NCOR2: variants seen among roughly 807,000 people sequenced by gnomAD.
NCOR2 encodes CTG repeat protein 26.
NCOR2 carries 81 observed loss-of-function variants against 262.9 expected under a neutral mutation model. The ratio of observed to expected loss-of-function variants is 0.31; its 90% CI spans 0.26 to 0.37. NCOR2 has a LOEUF of 0.37. Ranked by LOEUF, NCOR2 falls within the 10% of genes least tolerant of loss-of-function variation. NCOR2 has a pLI of 1.00. For missense variants in NCOR2, 3,385 were observed against 3,621.4 expected (o/e 0.93, Z 1.68); for synonymous variants, 1,659 against 1,559.3 (o/e 1.06, Z -1.51).
chr12:124,412,790 C>T (rs547240408), intron 13 of NCOR2, among the ~76,000 whole-genome samples: 35 of 152,358 alleles, frequency 2.3e-4, no homozygotes, highest in African/African-American at 7.9e-4. Context: ...GGATCTCGGC[C>T]TTATTGTGGG....
chr12:124,356,579 A>T, intron 23 of NCOR2, 63 bp downstream of exon 25: 1 of 1,331,016 alleles, frequency 7.5e-7, no homozygotes, highest in Non-Finnish European at 9.7e-7. Context: ...GAGCCAGTGC[A>T]AACAGTGCAA....
At chr12:124,497,350 G>T (rs12318414), upstream of NCOR2, among the ~76,000 whole-genome samples, 1 of 152,142 alleles carries the variant, frequency 6.6e-6, no homozygotes, top group Non-Finnish European at 1.5e-5. The surrounding 1 kb of genome is among the most constrained non-coding windows in gnomAD (Gnocchi z 4.2). Context: ...AACACGTCCC[G>T]CTCCACCATC....
At chr12:124,522,204 T>G (rs997424657) in intron 1 of NCOR2, among the ~76,000 whole-genome samples, 2 of 152,204 alleles carry the variant, frequency 1.3e-5, no homozygotes, top group Non-Finnish European at 2.9e-5. Context: ...ACTGGAAATA[T>G]GGCAGTGAAC....
chr12:124,403,352 C>T (rs1045088113), intron 13 of NCOR2, among the ~76,000 whole-genome samples: 1 of 152,142 alleles, frequency 6.6e-6, no homozygotes, highest in Non-Finnish European at 1.5e-5. Flanking sequence ...AGCCAGCCTC[C>T]TTACTTGGGC....
intron 32 of NCOR2, 125 bp downstream of exon 34, chr12:124,344,472 T>C: frequency 1.1e-6 from 1 of 912,862 alleles, no homozygotes; most frequent in Non-Finnish European, 1.5e-6. Flanking sequence ...TGCAGGTGGT[T>C]TGGATGTGGT....
At chr12:124,527,397 T>G (rs1280790706) in intron 1 of NCOR2, among the ~76,000 whole-genome samples, 1 of 152,106 alleles carries the variant, frequency 6.6e-6, no homozygotes, top group African/African-American at 2.4e-5. Flanking sequence ...TACAAGAGCT[T>G]TTAGGTGATG....
At chr12:124,473,026 T>C (rs780620993) in exon 4 of NCOR2, 2 of 1,614,090 alleles carry the variant, frequency 1.2e-6, no homozygotes, top group African/African-American at 2.7e-5. Context: ...ATGTTCTGGA[T>C]CAGCTCCTCC....
chr12:124,486,544 G>A, exon 2 of NCOR2: 1 of 1,589,222 alleles, frequency 6.3e-7, no homozygotes, highest in Non-Finnish European at 8.6e-7. Context: ...CGGGAGTGGT[G>A]CTGGTACTCC....
intron 13 of NCOR2, among the ~76,000 whole-genome samples, chr12:124,415,645 A>G (rs1229157820): frequency 6.6e-6 from 1 of 152,220 alleles, no homozygotes; most frequent in Non-Finnish European, 1.5e-5. Context: ...AGAGACGCAG[A>G]GCAGACAAGC....
chr12:124,473,088 C>T, exon 4 of NCOR2: 1 of 1,613,928 alleles, frequency 6.2e-7, no homozygotes. Flanking sequence ...GTGCGGGGGG[C>T]TGGGGGGAGA....
chr12:124,495,030 G>T lies in NCOR2; in HGVS notation c.105+117C>A. On this transcript the variant is annotated intron_variant, in intron 1 of 46. Coordinates refer to ENST00000405201, the Ensembl canonical transcript of NCOR2. The surrounding 1 kb of genome is among the most constrained non-coding windows in gnomAD (Gnocchi z 4.4). ...TCTGTGGCGGCCTCCCCTCTGCCCT[G>T]GGAGGCTCAGAGCCACATGAGCCTG... is the stretch of plus-strand genomic sequence containing the variant. 1 of 1,328,926 alleles carries T rather than the reference G, an allele frequency of 7.5e-7. No homozygotes were observed. The allele number at this position is 1,328,926 out of a possible 1,614,324, so 82.3% of individuals were successfully genotyped here.
chr12:124,346,581 C>T, exon 31 of NCOR2: 9 of 1,568,150 alleles, frequency 5.7e-6, no homozygotes, highest in Non-Finnish European at 7.7e-6. Flanking sequence ...ATGGAGCCCT[C>T]CTTGAGCGGC....
chr12:124,558,166 C>T (rs936542258), intron 1 of NCOR2, among the ~76,000 whole-genome samples: 1 of 152,116 alleles, frequency 6.6e-6, no homozygotes, highest in African/African-American at 2.4e-5. Flanking sequence ...CAGAGTCCTT[C>T]GAGGCCCTCC....
At chr12:124,520,099 C>T (rs1015112838) in intron 1 of NCOR2, among the ~76,000 whole-genome samples, 1 of 152,170 alleles carries the variant, frequency 6.6e-6, no homozygotes, top group Admixed American at 6.5e-5. Flanking sequence ...GCTGCGGAGG[C>T]CCCTGGAAGC....
rs879550877 is a variant in NCOR2, at chr12:124,432,892, G to A, written c.883-2105C>T. Among the ~76,000 whole-genome samples, 9 of 152,174 alleles carry A rather than the reference G, an allele frequency of 5.9e-5. No individual in the cohort carries two copies. The highest frequency in any genetic ancestry group is 2.0e-4 in the Admixed American group (3 of 15,298). ...GGGGGGTGGGGGCGGGGAAGGGGAC[G>A]CAGGGCGAGCCACCCACACAACCCC... On this transcript the variant is annotated intron_variant, in intron 8 of 46. Transcript: ENST00000405201. This position sits in a 1 kb window ranked among gnomAD's most constrained non-coding sequence, Gnocchi z 5.1.
chr12:124,333,366 A>C, intron 41 of NCOR2, 87 bp from the exon 44 acceptor site: 3 of 1,254,864 alleles, frequency 2.4e-6, no homozygotes, highest in East Asian at 2.9e-5. Flanking sequence ...AGGGCCCCAC[A>C]CGCTTTTCCT....
intron 22 of NCOR2, among the ~76,000 whole-genome samples, chr12:124,357,977 T>C (rs1344275698): frequency 4.0e-5 from 6 of 148,508 alleles, no homozygotes; most frequent in Non-Finnish European, 8.9e-5. Flanking sequence ...GTACACAATG[T>C]TGAAGGAGGT....
At position 124,432,786 on chromosome 12, in the gene NCOR2, A is replaced by T. The variant is rs538528672; in HGVS notation, c.883-1999T>A. Reference sequence around the variant, plus strand: ...TGCTGCCTGCTGCATGTCCTTTGAGAAGAGATCCCCAATCAGCCCAGAGCA... The same window carrying T: ...TGCTGCCTGCTGCATGTCCTTTGAGTAGAGATCCCCAATCAGCCCAGAGCA... On this transcript the variant is annotated intron_variant, in intron 8 of 46. Transcript: ENST00000405201. The surrounding 1 kb of genome is among the most constrained non-coding windows in gnomAD (Gnocchi z 5.1). 2.9e-4 allele frequency among the ~76,000 whole-genome samples: 43 copies of T among 150,672 alleles called. No homozygotes were observed. The highest frequency in any genetic ancestry group is 9.2e-4 in the African/African-American group (38 of 41,114).
chr12:124,419,959 G>C, exon 13 of NCOR2: 1 of 1,613,742 alleles, frequency 6.2e-7, no homozygotes, highest in Non-Finnish European at 8.5e-7. Context: ...CCTCTTACCT[G>C]GCTCTTGCCG....
Sources: allele counts gnomAD v4.1 joint callset (sites outside exome capture counted in the v4.1 genomes callset), GRCh38; gene constraint gnomAD v4.1.1; non-coding constraint Gnocchi (gnomAD v3.1); transcripts MANE v1.5; gene names NCBI Gene and HGNC (gene_info 2026-07-23, HGNC 2026-07-21).